Variants in DCHS2 observed in about 807,000 individuals in gnomAD.
The protein encoded by DCHS2 is protocadherin-23.
In DCHS2, 142 loss-of-function variants were observed where a neutral mutation model predicts 182.4. The observed-to-expected ratio is 0.78, with a 90% CI of 0.68 to 0.89. DCHS2 has a LOEUF of 0.89. Ranked by LOEUF, DCHS2 falls within the 40% of genes least tolerant of loss-of-function variation. DCHS2 has a pLI of 0.00. For missense variants in DCHS2, 4,319 were observed against 4,198.6 expected, an observed-to-expected ratio of 1.03 and a Z score of -0.79; for synonymous variants, 1,740 against 1,663.3, an observed-to-expected ratio of 1.05 and a Z score of -1.12.
intron 8 of DCHS2, 84 bp from the exon 9 acceptor site, chr4:154,321,306 C>A: frequency 7.6e-7 from 1 of 1,322,656 alleles, no homozygotes; most frequent in Non-Finnish European, 9.8e-7. Flanking sequence ...ATTTTGAAAG[C>A]AAATTCCTTC....
At chr4:154,332,425 G>T in intron 5 of DCHS2, 53 bp downstream of exon 5, 1 of 1,420,946 alleles carries the variant, frequency 7.0e-7, no homozygotes, top group Non-Finnish European at 9.6e-7. Context: ...AGACGAGTGT[G>T]ATAGTACTGA....
chr4:154,437,330 C>T (rs1368469452), intron 1 of DCHS2, among the ~76,000 whole-genome samples: 3 of 152,162 alleles, frequency 2.0e-5, no homozygotes, highest in Admixed American at 6.5e-5. Flanking sequence ...CTCACTCCTA[C>T]CACTAACCAC....
chr4:154,402,446 G>A (rs1732229859), intron 1 of DCHS2, among the ~76,000 whole-genome samples: 2 of 152,164 alleles, frequency 1.3e-5, no homozygotes, highest in South Asian at 4.2e-4. Flanking sequence ...AGTGATAAAG[G>A]TATAGATCAA....
chr4:154,341,712 A>T (rs910133229), intron 3 of DCHS2, among the ~76,000 whole-genome samples: 1 of 152,184 alleles, frequency 6.6e-6, no homozygotes, highest in Non-Finnish European at 1.5e-5. Context: ...AAACCTGTCC[A>T]TCAATTACTA....
At chr4:154,441,496 G>A (rs1329422961) in intron 1 of DCHS2, among the ~76,000 whole-genome samples, 1 of 151,926 alleles carries the variant, frequency 6.6e-6, no homozygotes, top group Non-Finnish European at 1.5e-5. Context: ...CTGAAAATTG[G>A]TAAAGCTCTT....
At chr4:154,249,890 C>CTGAGGGGGAGGGAGGGAGGGTGCATGGGT (rs1732268770) in intron 16 of DCHS2, among the ~76,000 whole-genome samples, 1 of 142,604 alleles carries the variant, frequency 7.0e-6, no homozygotes, top group Non-Finnish European at 1.5e-5. Flanking sequence ...CTGTGAACTG[C>CTGAGGGGGAGGGAGGGAGGGTGCATGGGT]TGAGGGGGAG....
At chr4:154,479,701 T>A (rs560249063) in intron 1 of DCHS2, among the ~76,000 whole-genome samples, 1 of 152,332 alleles carries the variant, frequency 6.6e-6, no homozygotes, top group South Asian at 2.1e-4. Flanking sequence ...AAATTCATGT[T>A]GTGGTATTAA....
At chr4:154,398,912 G>A (rs1267188369) in intron 1 of DCHS2, among the ~76,000 whole-genome samples, 2 of 152,146 alleles carry the variant, frequency 1.3e-5, no homozygotes, top group East Asian at 1.9e-4. Context: ...GCTTTAAAAG[G>A]ACAGTTTTTT....
intron 3 of DCHS2, among the ~76,000 whole-genome samples, chr4:154,338,878 A>G (rs1020917994): frequency 1.3e-5 from 2 of 152,236 alleles, no homozygotes; most frequent in Admixed American, 6.5e-5. Context: ...TGTCAATACT[A>G]CAAGTATTAG....
At chr4:154,248,830 T>A (rs1254754890) in intron 16 of DCHS2, among the ~76,000 whole-genome samples, 1 of 152,024 alleles carries the variant, frequency 6.6e-6, no homozygotes, top group Non-Finnish European at 1.5e-5. Flanking sequence ...AAACAAGCAA[T>A]GAGGAAAGCA....
Position 154,240,690 on chromosome 4 carries a change from C to A in DCHS2, c.7206G>T (p.Val2402=). 6.2e-7 allele frequency: 1 copy of A among 1,613,948 alleles called. No individual in the cohort carries two copies. ...KFAIDQNTGV[V]VLVKTLDFEE... Reference sequence around the variant, plus strand: ...CAAAATCCAATGTTTTCACCAACACCACCACTCCAGTGTTCTGATCAATAG... The same window carrying A: ...CAAAATCCAATGTTTTCACCAACACAACCACTCCAGTGTTCTGATCAATAG... Residue 2402 remains valine (V), a synonymous_variant, in exon 18 of 20, where the codon GTG becomes GTT. Coordinates refer to ENST00000357232, the MANE Select transcript of DCHS2 (RefSeq NM_001358235.2).
Position 154,307,390 on chromosome 4 carries a change from T to C in DCHS2, c.5261-2159A>G, listed in dbSNP as rs144583771. Among the ~76,000 whole-genome samples, 163 of 152,084 alleles carry C rather than the reference T, an allele frequency of 1.1e-3. 2 individuals carry two copies. Among genetic ancestry groups the C allele is most frequent in the Middle Eastern group, 0.01 (3 of 294 alleles). The stretch of plus-strand genomic sequence containing the variant: ...GTGCCTGTGTATATATGCCCATACC[T>C]ATGTGTGTATGCACACCAGTGTGAA... On this transcript the variant is annotated intron_variant, in intron 10 of 19. Coordinates refer to ENST00000357232, the MANE Select transcript of DCHS2 (RefSeq NM_001358235.2).
In DCHS2 at chr4:154,490,512, C is replaced by G; in HGVS notation, c.844G>C (p.Val282Leu). 1 of 1,537,568 alleles carries G rather than the reference C, an allele frequency of 6.5e-7. No homozygotes were observed. The highest frequency in any genetic ancestry group is 8.7e-7 in the Non-Finnish European group (1 of 1,146,394). ...GRPRRTGLLS[V>L]ELRVLDENDN... ...TTCTCATCCAGCACGCGCAGCTCCA[C>G]GCTCAGGAGGCCGGTGCGCCGGGGT... Residue 282 changes from valine to leucine, a missense_variant, in exon 1 of 20, where the codon GTG becomes CTG. Val to Leu is a conservative substitution (Grantham distance 32, BLOSUM62 1). Coordinates refer to ENST00000357232, the MANE Select transcript of DCHS2 (RefSeq NM_001358235.2).
At chr4:154,457,626 T>C (rs1734824866) in intron 1 of DCHS2, among the ~76,000 whole-genome samples, 1 of 152,198 alleles carries the variant, frequency 6.6e-6, no homozygotes, top group South Asian at 2.1e-4. Context: ...TGTTGACGAT[T>C]TTGTTTTTTA....
At chr4:154,325,179 T>C (rs905479802) in intron 7 of DCHS2, among the ~76,000 whole-genome samples, 2 of 152,132 alleles carry the variant, frequency 1.3e-5, no homozygotes, top group Non-Finnish European at 2.9e-5. Flanking sequence ...CCAAATCTCA[T>C]TCCCCTCCTT....
chr4:154,404,584 T>C (rs188935413), intron 1 of DCHS2, among the ~76,000 whole-genome samples: 31 of 152,330 alleles, frequency 2.0e-4, no homozygotes, highest in Non-Finnish European at 3.8e-4. Context: ...GTTTGTACTT[T>C]TGCCTACTTG....
intron 12 of DCHS2, among the ~76,000 whole-genome samples, chr4:154,302,683 G>T (rs2111293599): frequency 6.6e-6 from 1 of 151,848 alleles, no homozygotes; most frequent in South Asian, 2.1e-4. Flanking sequence ...TTCCAACCTG[G>T]CTGAGAAGGT....
intron 14 of DCHS2, among the ~76,000 whole-genome samples, chr4:154,263,415 T>C (rs569209502): frequency 5.9e-5 from 9 of 151,880 alleles, no homozygotes; most frequent in Non-Finnish European, 1.3e-4. Flanking sequence ...TGTATTACAA[T>C]GCATTATTGA....
chr4:154,241,926 A>T (rs565916612), intron 17 of DCHS2, among the ~76,000 whole-genome samples: 4 of 152,238 alleles, frequency 2.6e-5, no homozygotes, highest in Non-Finnish European at 5.9e-5. Context: ...GAAAGTGAAC[A>T]TAATAAAATG....
Sources: allele counts gnomAD v4.1 joint callset (sites outside exome capture counted in the v4.1 genomes callset), GRCh38; gene constraint gnomAD v4.1.1; transcripts MANE v1.5; gene names NCBI Gene and HGNC (gene_info 2026-07-23, HGNC 2026-07-21).